Variants in ZNF714 observed in about 807,000 individuals in gnomAD.
ZNF714 encodes the protein zinc finger protein 714.
Under a neutral mutation model 46.2 loss-of-function variants are expected in ZNF714, and 32 were observed. That is an observed-to-expected ratio of 0.69 (90% CI 0.52 to 0.93). The LOEUF (loss-of-function observed/expected upper bound fraction) is 0.93, where lower values mean the gene tolerates loss of function less well. ZNF714 is among the 40% of genes least tolerant of loss of function. The probability of loss-of-function intolerance (pLI) is 0.00; values close to 1 mark genes in which losing one functional copy is unlikely to be tolerated. For missense variants in ZNF714, 635 were observed against 646.3 expected (o/e 0.98, Z 0.19); for synonymous variants, 199 against 213.1 (o/e 0.93, Z 0.58).
Position 21,118,040 on chromosome 19 carries a change from G to A in ZNF714, c.1376G>A (p.Gly459Asp), listed in dbSNP as rs1274575706. Reference protein sequence around the residue: ...GEKPYKCEECGKAFNRSSNLT... With the variant: ...GEKPYKCEECDKAFNRSSNLT... ...AAACCCTACAAATGTGAAGAATGTG[G>A]CAAAGCTTTCAACCGATCCTCAAAC... The change falls in exon 5 of 5, where the codon GGC becomes GAC. Residue 459 changes from glycine to aspartate, a missense_variant. Coordinates refer to ENST00000456283, the MANE Select transcript of ZNF714 (RefSeq NM_182515.4). 8 of 1,613,612 alleles carry A rather than the reference G, an allele frequency of 5.0e-6. No individual in the cohort carries two copies. Among genetic ancestry groups the A allele is most frequent in the Non-Finnish European group, 6.8e-6 (8 of 1,179,986 alleles).
In ZNF714 at chr19:21,100,017, G is replaced by A. The variant is rs1599539406; in HGVS notation, c.142+1107G>A. Among the ~76,000 whole-genome samples, 5 of 151,906 alleles carry A rather than the reference G, an allele frequency of 3.3e-5. No individual in the cohort carries two copies. In the South Asian group the frequency reaches 6.2e-4, roughly 19 times the overall value. Reference sequence around the variant, plus strand: ...ATTACAGGCATGTGCCACCATGCCCGGCTAATTTTTGTATTTTTGGTAGAG... The same window carrying A: ...ATTACAGGCATGTGCCACCATGCCCAGCTAATTTTTGTATTTTTGGTAGAG... On this transcript the variant is annotated intron_variant, in intron 4 of 4. Coordinates refer to ENST00000456283, the MANE Select transcript of ZNF714 (RefSeq NM_182515.4).
chr19:21,108,644 A>G (rs1307284782), intron 4 of ZNF714, among the ~76,000 whole-genome samples: 1 of 152,192 alleles, frequency 6.6e-6, no homozygotes, highest in Non-Finnish European at 1.5e-5. Flanking sequence ...TGAGACCCTC[A>G]CCAGAAGCAG....
intron 4 of ZNF714, among the ~76,000 whole-genome samples, chr19:21,100,377 C>A (rs62124880): frequency 0.51 from 77,266 of 151,150 alleles, 22,966 homozygotes; most frequent in East Asian, 0.73. Context: ...ACAAAAGTGG[C>A]TGGCCATATT....
chr19:21,112,428 G>A (rs1015298055), intron 4 of ZNF714, among the ~76,000 whole-genome samples: 1 of 152,062 alleles, frequency 6.6e-6, no homozygotes, highest in Non-Finnish European at 1.5e-5. Context: ...TATGGGGTCA[G>A]TGGTGATATC....
rs757089710 is a variant in ZNF714 at position 21,117,214 on chromosome 19, C to T, written c.550C>T (p.Arg184Trp). 2.5e-5 allele frequency: 40 copies of T among 1,613,812 alleles called. No homozygotes were observed. The highest frequency in any genetic ancestry group is 1.1e-4 in the East Asian group (5 of 44,858). The change falls in exon 5 of 5, where the codon CGG (arginine) becomes TGG (tryptophan). Residue 184 changes from arginine (R) to tryptophan (W), a missense_variant. Arg to Trp is a moderately radical substitution (Grantham distance 101). Transcript: ENST00000456283. ...QCEECDKVFK[R>W]FSTLTRHKRV... ...TGAAGAATGTGACAAAGTGTTTAAGCGGTTCTCAACCCTTACTAGACACAA... is the reference window on the plus strand; with the variant it reads ...TGAAGAATGTGACAAAGTGTTTAAGTGGTTCTCAACCCTTACTAGACACAA...
chr19:21,119,702 A>G lies in ZNF714; in HGVS notation c.*1370A>G, dbSNP rs1348393070. ...ATGCAGTAAAAGTTAAAAAAAATTT[A>G]ATCCATAAGTAAGTCTGTGTAAATA... On this transcript the variant is annotated 3_prime_UTR_variant, in exon 5 of 5. Coordinates refer to ENST00000456283, the MANE Select transcript of ZNF714 (RefSeq NM_182515.4). 6.6e-6 allele frequency: 1 copy of G among 152,236 alleles called. No homozygotes were observed. The highest frequency in any genetic ancestry group is 2.4e-5 in the African/African-American group (1 of 41,462). The allele number at this position is 152,236 out of a possible 1,614,324, so 9.4% of individuals were successfully genotyped here.
chr19:21,122,141 G>T lies in ZNF714; in HGVS notation c.*3809G>T, dbSNP rs1969713618. 6.6e-6 allele frequency: 1 copy of T among 151,912 alleles called. No individual in the cohort carries two copies. The highest frequency in any genetic ancestry group is 2.1e-4 in the South Asian group (1 of 4,816). The allele number at this position is 151,912 out of a possible 1,614,324, so 9.4% of individuals were successfully genotyped here. A position where few individuals can be genotyped will look rare whatever the true frequency, so the allele number is the denominator to read the frequency against. On this transcript the variant is annotated 3_prime_UTR_variant, in exon 5 of 5. Transcript: ENST00000456283. ...CAATTTGTTCAGGTAAGTACTGGGG[G>T]GCTTCATAAGTCATGAGGATGTTTT... is the stretch of plus-strand genomic sequence containing the variant.
At chr19:21,113,238 C>A (rs1443573010) in intron 4 of ZNF714, 1 of 152,174 alleles carries the variant, frequency 6.6e-6, no homozygotes, top group African/African-American at 2.4e-5. Context: ...GCTGTGGATG[C>A]CAGCCTCTGA....
chr19:21,117,757 G>A lies in ZNF714; in HGVS notation c.1093G>A (p.Gly365Arg). Residue 365 changes from glycine (G) to arginine (R), a missense_variant, in exon 5 of 5, where the codon GGA becomes AGA. Physicochemically the swap from Gly to Arg is moderately radical, Grantham distance 125. Coordinates refer to ENST00000456283, the MANE Select transcript of ZNF714 (RefSeq NM_182515.4). ...HLTTHKMIHTGEKPYKCEECG... is the reference protein window; with the variant it reads ...HLTTHKMIHTREKPYKCEECG... ...TACTACACATAAGATGATTCATACTGGAGAGAAACCCTACAAATGTGAAGA... is the reference window on the plus strand; with the variant it reads ...TACTACACATAAGATGATTCATACTAGAGAGAAACCCTACAAATGTGAAGA... 1 of 1,613,440 alleles carries A rather than the reference G, an allele frequency of 6.2e-7. No individual in the cohort carries two copies. The highest frequency in any genetic ancestry group is 8.5e-7 in the Non-Finnish European group (1 of 1,179,928).
chr19:21,107,482 G>A (rs926292170), intron 4 of ZNF714, among the ~76,000 whole-genome samples: 3 of 152,094 alleles, frequency 2.0e-5, no homozygotes, highest in African/African-American at 7.2e-5. Context: ...CAGGTGATCC[G>A]CCCACCTTGG....
At chr19:21,113,218 G>A (rs1449693646) in intron 4 of ZNF714, 2 of 152,234 alleles carry the variant, frequency 1.3e-5, no homozygotes, top group Non-Finnish European at 2.9e-5. Flanking sequence ...GGCACGGTCA[G>A]AAGGGTGTGG....
At chr19:21,088,663 T>C (rs1968840043) in intron 2 of ZNF714, among the ~76,000 whole-genome samples, 1 of 152,256 alleles carries the variant, frequency 6.6e-6, no homozygotes, top group Non-Finnish European at 1.5e-5. Flanking sequence ...AAATATTTGA[T>C]TTAAGCTCTT....
intron 4 of ZNF714, among the ~76,000 whole-genome samples, chr19:21,112,951 T>C (rs867732493): frequency 6.0e-5 from 9 of 151,106 alleles, no homozygotes; most frequent in African/African-American, 2.2e-4. Context: ...GCCTCCCAAG[T>C]AGCTGGGATT....
chr19:21,082,449 T>C, intron 1 of ZNF714, 101 bp downstream of exon 1: 3 of 1,190,366 alleles, frequency 2.5e-6, no homozygotes, highest in Non-Finnish European at 3.5e-6. Context: ...CAGTCAACTC[T>C]ACAATCTGCG....
intron 4 of ZNF714, among the ~76,000 whole-genome samples, chr19:21,112,815 G>GTTTTTTTTTTTTTT (rs1314785181): frequency 5.5e-4 from 23 of 41,726 alleles, no homozygotes; most frequent in Non-Finnish European, 9.0e-4. Flanking sequence ...TTTTATTTCT[G>GTTTTTTTTTTTTTT]ATTTTTTTTT....
intron 2 of ZNF714, among the ~76,000 whole-genome samples, chr19:21,094,178 A>T (rs1968986765): frequency 6.6e-6 from 1 of 152,052 alleles, no homozygotes; most frequent in Admixed American, 6.5e-5. Flanking sequence ...TTTAGTAGAG[A>T]TGGTGTTTTG....
At chr19:21,114,423 G>A (rs1599553405) in intron 4 of ZNF714, among the ~76,000 whole-genome samples, 4 of 115,162 alleles carry the variant, frequency 3.5e-5, no homozygotes, top group South Asian at 6.4e-4. Context: ...GTGACAGAGC[G>A]AGACTCCATC....
chr19:21,084,107 T>C (rs2144816324), intron 2 of ZNF714, 38 bp downstream of exon 2: 1 of 829,076 alleles, frequency 1.2e-6, no homozygotes, highest in East Asian at 1.0e-4. Context: ...AACACAGAAA[T>C]AACATCTGCC....
intron 2 of ZNF714, among the ~76,000 whole-genome samples, chr19:21,086,358 G>T (rs990398166): frequency 3.3e-5 from 5 of 152,126 alleles, no homozygotes; most frequent in African/African-American, 7.2e-5. Context: ...GAAAGTAAAG[G>T]AATAAAATAA....
Sources: allele counts gnomAD v4.1 joint callset (sites outside exome capture counted in the v4.1 genomes callset), GRCh38; gene constraint gnomAD v4.1.1; transcripts MANE v1.5; gene names NCBI Gene and HGNC (gene_info 2026-07-23, HGNC 2026-07-21).